ACSM3: variants seen among roughly 807,000 people sequenced by gnomAD.
The protein encoded by ACSM3 is acyl-CoA synthetase medium chain family member 3, also known as acyl-coenzyme A synthetase ACSM3, mitochondrial.
A neutral mutation model predicts 74.1 loss-of-function variants in ACSM3; 61 were observed. That is an observed-to-expected ratio of 0.82 (90% CI 0.67 to 1.02). ACSM3 has a LOEUF of 1.02. ACSM3 is among the 50% of genes least tolerant of loss of function. The pLI, the probability that ACSM3 is intolerant of heterozygous loss-of-function variation, is 0.00. For missense variants in ACSM3, 660 were observed against 697.0 expected (o/e 0.95, Z 0.60); for synonymous variants, 213 against 241.5 (o/e 0.88, Z 1.09).
rs374426525 is a variant in ACSM3 at position 20,741,682 on chromosome 16, C to T, written c.-189-8228C>T. 6.6e-5 allele frequency: 104 copies of T among 1,583,830 alleles called. No homozygotes were observed. In the African/African-American group the frequency reaches 9.8e-4, roughly 15 times the overall value. ...GCGCGCTTGGCCAGCACATACTGAG[C>T]CTTGCCTTTGCGCTTCCCGCCGCCA... On this transcript the variant is annotated intron_variant, in intron 1 of 3. Coordinates refer to the ACSM3 transcript ENST00000561584.
chr16:20,685,254 C>G (rs1258292713), intron 1 of ACSM3: 1 of 1,614,196 alleles, frequency 6.2e-7, no homozygotes, highest in Non-Finnish European at 8.5e-7. Context: ...GCATCAAGGC[C>G]AGATGGTCTC....
intron 1 of ACSM3, chr16:20,729,389 G>A: frequency 1.7e-6 from 2 of 1,196,668 alleles, no homozygotes; most frequent in Non-Finnish European, 1.2e-6. Flanking sequence ...AAGAGGCAAG[G>A]ATTGACAGGG....
At chr16:20,767,516 C>CAA (rs772094919) in intron 1 of ACSM3, among the ~76,000 whole-genome samples, 647 of 4,486 alleles carry the variant, frequency 0.14, 239 homozygotes, top group Non-Finnish European at 0.18. Flanking sequence ...GACTCCGTCT[C>CAA]AAAAAAAAAA....
chr16:20,741,482 C>CGGG, intron 1 of ACSM3: 2 of 160,348 alleles, frequency 1.2e-5, no homozygotes, highest in Non-Finnish European at 1.3e-5. Flanking sequence ...TGGCAGCCGG[C>CGGG]CCGCCCGCCC....
At chr16:20,742,811 ATAT>A (rs1331156932) in intron 1 of ACSM3, among the ~76,000 whole-genome samples, 31 of 33,016 alleles carry the variant, frequency 9.4e-4, no homozygotes, top group Non-Finnish European at 1.5e-3. Context: ...ATATATATAT[ATAT>A]TTTTTTTTTT....
At chr16:20,713,774 T>G (rs1220158238) in intron 1 of ACSM3, among the ~76,000 whole-genome samples, 1 of 152,038 alleles carries the variant, frequency 6.6e-6, no homozygotes, top group African/African-American at 2.4e-5. Flanking sequence ...GTGCATATTT[T>G]GGGGGTAGTT....
chr16:20,785,539 G>C (rs899314258), intron 8 of ACSM3, among the ~76,000 whole-genome samples: 5 of 151,532 alleles, frequency 3.3e-5, no homozygotes, highest in Non-Finnish European at 5.9e-5. Context: ...AGCTCATAGA[G>C]ATAAGGAATA....
At chr16:20,760,718 TA>T (rs2080070045), upstream of ACSM3, among the ~76,000 whole-genome samples, 1 of 152,200 alleles carries the variant, frequency 6.6e-6, no homozygotes, top group Admixed American at 6.5e-5. Flanking sequence ...TAACTCAAGT[TA>T]AAGTTGCAGC....
intron 1 of ACSM3, among the ~76,000 whole-genome samples, chr16:20,743,117 T>G (rs1278922320): frequency 1.3e-5 from 2 of 151,978 alleles, no homozygotes; most frequent in African/African-American, 4.8e-5. Context: ...ATTTTTTATT[T>G]TTAGTAGAGA....
chr16:20,789,644 A>T, intron 9 of ACSM3: 1 of 922,760 alleles, frequency 1.1e-6, no homozygotes, highest in Non-Finnish European at 1.8e-6. Context: ...TGATAAAAGC[A>T]GGTTGGCAAA....
chr16:20,770,077 T>G lies in ACSM3; in HGVS notation c.43T>G (p.Cys15Gly). The G allele has an allele frequency of 6.2e-7, 1 of 1,614,182 alleles. No individual in the cohort carries two copies. ...CAGGAAGATGCTACGTCATGCCAAG[T>G]GTTTTCAGCGCCTAGCAATTTTTGG... ...VTRKMLRHAK[C>G]FQRLAIFGSV... Residue 15 changes from cysteine (C) to glycine (G), a missense_variant, in exon 2 of 14, where the codon TGT becomes GGT. By Grantham distance (159) the Cys-to-Gly change is radical (BLOSUM62 -3). Transcript: ENST00000289416.
At position 20,776,044 on chromosome 16, in the gene ACSM3, G is replaced by C. The variant is rs537934140; in HGVS notation, c.425G>C (p.Arg142Pro). The C allele has an allele frequency of 1.9e-6, 3 of 1,614,030 alleles. No homozygotes were observed. Among genetic ancestry groups the C allele is most frequent in the East Asian group, 2.2e-5 (1 of 44,878 alleles). ...TGGCTTGCAAATGTGGCCTGTCTGC[G>C]AACAGGTTAGTAATGTTTGCTTTCC... ...EWWLANVACL[R>P]TGTVLIPGTT... The change falls in exon 3 of 14, where the codon CGA (arginine) becomes CCA (proline). Residue 142 changes from arginine to proline, a missense_variant. By Grantham distance (103) the Arg-to-Pro change is moderately radical. Coordinates refer to ENST00000289416, the MANE Select transcript of ACSM3 (RefSeq NM_005622.4).
At chr16:20,680,717 A>G (rs34880359) in intron 1 of ACSM3, 16,434 of 152,278 alleles carry the variant, frequency 0.11, 1,046 homozygotes, top group East Asian at 0.21. Flanking sequence ...AGAAGCACCC[A>G]GAATTACTCC....
At chr16:20,696,489 A>G (rs893512648) in intron 1 of ACSM3, among the ~76,000 whole-genome samples, 3 of 152,254 alleles carry the variant, frequency 2.0e-5, no homozygotes, top group African/African-American at 7.2e-5. Flanking sequence ...GTGCCCACAA[A>G]TTATCTGAGT....
rs373578641 is a variant in ACSM3 at position 20,685,471 on chromosome 16, C to T, written c.-190+10649C>T. 2.1e-6 allele frequency: 3 copies of T among 1,413,314 alleles called. No homozygotes were observed. The East Asian group carries it at 6.8e-5, about 32-fold the overall frequency. The allele number at this position is 1,413,314 out of a possible 1,614,324, so 87.5% of individuals were successfully genotyped here. ...AAAAAGGGCACTTAGTAAACTAATC[C>T]ACAGCCATAGTCACGTTCCAATGTG... On this transcript the variant is annotated intron_variant, in intron 1 of 3. Coordinates refer to the ACSM3 transcript ENST00000561584.
chr16:20,739,501 C>A (rs557953190), intron 1 of ACSM3, among the ~76,000 whole-genome samples: 2 of 151,966 alleles, frequency 1.3e-5, no homozygotes, highest in African/African-American at 4.8e-5. Flanking sequence ...GCTTTTTTTA[C>A]GAAGCTGGGA....
chr16:20,781,619 A>G (rs990161343), intron 6 of ACSM3, 89 bp from the exon 7 acceptor site: 2 of 960,780 alleles, frequency 2.1e-6, no homozygotes, highest in Non-Finnish European at 3.4e-6. Context: ...AACATAAACA[A>G]TGTTTAAATT....
intron 1 of ACSM3, chr16:20,679,734 C>A (rs561306119): frequency 6.6e-6 from 1 of 152,266 alleles, no homozygotes; most frequent in East Asian, 1.9e-4. Flanking sequence ...AGTTAGGAAC[C>A]TGCACATACA....
At position 20,790,495 on chromosome 16, in the gene ACSM3, G is replaced by T; in HGVS notation, c.1225-92G>T. The T allele has an allele frequency of 7.6e-7, 1 of 1,310,222 alleles. No individual in the cohort carries two copies. Among genetic ancestry groups the T allele is most frequent in the East Asian group, 2.4e-5 (1 of 41,188 alleles). The allele number at this position is 1,310,222 out of a possible 1,614,324, so 81.2% of individuals were successfully genotyped here. ...TTTTTTTAAGTCTTCATTTTTAAAT[G>T]GCAAAAGCCAAAATAAAACTTGCAA... On this transcript the variant is annotated intron_variant, in intron 9 of 13. Transcript: ENST00000289416. The surrounding 1 kb of genome is among the most constrained non-coding windows in gnomAD (Gnocchi z 4.0).
Sources: gnomAD v4.1 joint callset for allele counts (sites outside exome capture counted in the v4.1 genomes callset) on GRCh38, gnomAD v4.1.1 for gene constraint, Gnocchi (gnomAD v3.1) non-coding constraint, MANE v1.5 for transcripts, NCBI Gene and HGNC (gene_info 2026-07-23, HGNC 2026-07-21) for gene names.